Variants in IGF2BP3 observed in about 807,000 individuals in gnomAD.
The protein encoded by IGF2BP3 is insulin like growth factor 2 mRNA binding protein 3.
Under a neutral mutation model 73.8 loss-of-function variants are expected in IGF2BP3, and 9 were observed. That is an observed-to-expected ratio of 0.12 (90% CI 0.07 to 0.21). The LOEUF is 0.21. Among genes scored for constraint, IGF2BP3 ranks in the 10% least tolerant of loss-of-function variants. The pLI, the probability that IGF2BP3 is intolerant of heterozygous loss-of-function variation, is 1.00. For missense variants in IGF2BP3, 542 were observed against 714.0 expected, an observed-to-expected ratio of 0.76 and a Z score of 2.75; for synonymous variants, 258 against 256.7, an observed-to-expected ratio of 1.01 and a Z score of -0.05.
At chr7:23,316,257 G>GA (rs1257818987) in intron 12 of IGF2BP3, among the ~76,000 whole-genome samples, 19 of 152,198 alleles carry the variant, frequency 1.2e-4, no homozygotes, top group African/African-American at 4.3e-4. Context: ...GGTTTTTAGT[G>GA]AAAAAATGGC....
chr7:23,362,385 A>C (rs142981117), intron 3 of IGF2BP3: 2 of 152,416 alleles, frequency 1.3e-5, no homozygotes, highest in Non-Finnish European at 2.9e-5. Flanking sequence ...AAAAATGAAG[A>C]CAGCACAGTG....
intron 2 of IGF2BP3, among the ~76,000 whole-genome samples, chr7:23,427,406 C>T (rs1419502976): frequency 6.6e-6 from 1 of 152,092 alleles, no homozygotes. Context: ...GAAATCATCT[C>T]CAAAATAAAC....
intron 3 of IGF2BP3, among the ~76,000 whole-genome samples, chr7:23,386,671 T>C (rs1470375932): frequency 6.6e-6 from 1 of 152,162 alleles, no homozygotes; most frequent in Admixed American, 6.5e-5. Flanking sequence ...CTCAAGGAGA[T>C]AGAGCGTAAT....
intron 3 of IGF2BP3, chr7:23,405,174 A>G (rs1786788020): frequency 6.6e-6 from 1 of 152,204 alleles, no homozygotes; most frequent in African/African-American, 2.4e-5. Context: ...AAAAATTCAA[A>G]TTCACCTCTT....
intron 2 of IGF2BP3, among the ~76,000 whole-genome samples, chr7:23,434,061 G>C (rs1480733880): frequency 1.4e-5 from 2 of 145,062 alleles, no homozygotes; most frequent in East Asian, 2.0e-4. Context: ...CTGGGAGACA[G>C]AGTGAGACTC....
In IGF2BP3 at chr7:23,351,610, G is replaced by T. The variant is rs201240374; in HGVS notation, c.402-24C>A. ...CTCTGAAAGTTGAAAAGGGGCAGGGGTGGGAAAAGGAATCAGGCTATATGA... is the reference window on the plus strand; with the variant it reads ...CTCTGAAAGTTGAAAAGGGGCAGGGTTGGGAAAAGGAATCAGGCTATATGA... On this transcript the variant is annotated intron_variant, in intron 5 of 14. Transcript: ENST00000258729. 2.6e-4 allele frequency: 420 copies of T among 1,612,950 alleles called. No homozygotes were observed. In the African/African-American group the frequency reaches 5.0e-3, roughly 19 times the overall value.
At chr7:23,401,718 T>C (rs906575205) in intron 3 of IGF2BP3, among the ~76,000 whole-genome samples, 51 of 151,742 alleles carry the variant, frequency 3.4e-4, no homozygotes, top group African/African-American at 1.1e-3. Context: ...TGAGCCAAGA[T>C]TGCACCACTG....
intron 7 of IGF2BP3, among the ~76,000 whole-genome samples, chr7:23,346,621 T>C (rs1220956991): frequency 6.7e-6 from 1 of 149,294 alleles, no homozygotes; most frequent in Non-Finnish European, 1.5e-5. Flanking sequence ...TGAGACAGAG[T>C]CTCCCTCTGG....
rs370876150 is a variant in IGF2BP3, at chr7:23,319,207, G to A, written c.1251C>T (p.Val417=). The part of the protein sequence containing the change: ...TVHLFIPALS[V]GAIIGKQGQH... The stretch of plus-strand genomic sequence containing the variant: ...GGCCCTGCTTGCCGATGATGGCACC[G>A]ACTGATAGAGCTGGGATAAACAGAT... The change falls in exon 11 of 15, where the codon GTC becomes GTT. Residue 417 remains valine (V), a synonymous_variant. Transcript: ENST00000258729. 113 of 1,613,728 alleles carry A rather than the reference G, an allele frequency of 7.0e-5. 1 individual carries two copies. In the African/African-American group the frequency reaches 9.3e-4, roughly 13 times the overall value.
intron 3 of IGF2BP3, among the ~76,000 whole-genome samples, chr7:23,374,090 C>T (rs1779772242): frequency 6.6e-6 from 1 of 152,162 alleles, no homozygotes; most frequent in African/African-American, 2.4e-5. Context: ...CTCAGGTATT[C>T]CTTTACAGCA....
In IGF2BP3 at chr7:23,361,615, C is replaced by G; in HGVS notation, c.338-18G>C. 7 of 1,613,382 alleles carry G rather than the reference C, an allele frequency of 4.3e-6. No homozygotes were observed. The highest frequency in any genetic ancestry group is 5.9e-6 in the Non-Finnish European group (7 of 1,179,620). On this transcript the variant is annotated intron_variant, in intron 4 of 14. Transcript: ENST00000258729. Reference sequence around the variant, plus strand: ...AGTGTTCACTAGAGGAAGAGAAAAACGAAGAGAATAAAAGTTAGTTTTCTT... The same window carrying G: ...AGTGTTCACTAGAGGAAGAGAAAAAGGAAGAGAATAAAAGTTAGTTTTCTT...
chr7:23,321,843 C>T (rs1337285654), intron 10 of IGF2BP3, among the ~76,000 whole-genome samples: 1 of 152,200 alleles, frequency 6.6e-6, no homozygotes, highest in African/African-American at 2.4e-5. Context: ...GGTACTCCAA[C>T]AGACCTGCAG....
chr7:23,459,516 G>A (rs909640976), intron 2 of IGF2BP3, among the ~76,000 whole-genome samples: 2 of 152,070 alleles, frequency 1.3e-5, no homozygotes, highest in South Asian at 2.1e-4. Flanking sequence ...GTCAAATCAC[G>A]CATTTAGACC....
chr7:23,332,479 T>G (rs274031), intron 10 of IGF2BP3, among the ~76,000 whole-genome samples: 6,047 of 152,322 alleles, frequency 0.04, 188 homozygotes, highest in South Asian at 0.1. Context: ...CTATTCAGCA[T>G]TTTTAGAACA....
chr7:23,326,062 A>C lies in IGF2BP3; in HGVS notation c.1204-6808T>G, dbSNP rs540441032. Among the ~76,000 whole-genome samples, 6 of 152,308 alleles carry C rather than the reference A, an allele frequency of 3.9e-5. No homozygotes were observed. The South Asian group carries it at 1.2e-3, about 32-fold the overall frequency. On this transcript the variant is annotated intron_variant, in intron 10 of 14. Transcript: ENST00000258729. ...AATGGCAACAAAAGCCAAAATTGAC[A>C]AATGGGATCTAATTAAACTAAAGAG...
At chr7:23,382,894 CAAAAAAAAAA>C (rs57466793) in intron 3 of IGF2BP3, among the ~76,000 whole-genome samples, 9 of 49,118 alleles carry the variant, frequency 1.8e-4, no homozygotes, top group South Asian at 1.4e-3. Flanking sequence ...CTAGCTCTAC[CAAAAAAAAAA>C]AAAAAAAAAA....
chr7:23,449,463 G>A (rs147661726), intron 2 of IGF2BP3, among the ~76,000 whole-genome samples: 3,403 of 151,754 alleles, frequency 0.022, 128 homozygotes, highest in African/African-American at 0.078. Flanking sequence ...CTTGCAGTGA[G>A]CCGAGATAGC....
chr7:23,327,865 A>G (rs934742033), intron 10 of IGF2BP3, among the ~76,000 whole-genome samples: 20 of 152,146 alleles, frequency 1.3e-4, no homozygotes, highest in Non-Finnish European at 7.4e-5. Context: ...GCAGAGCACT[A>G]AGCACCATAA....
intron 3 of IGF2BP3, among the ~76,000 whole-genome samples, chr7:23,406,533 C>T (rs1285994824): frequency 1.3e-5 from 2 of 152,060 alleles, no homozygotes; most frequent in African/African-American, 4.8e-5. Context: ...TTGCTGACTT[C>T]AGGAGTGAAG....
Sources: allele counts gnomAD v4.1 joint callset (sites outside exome capture counted in the v4.1 genomes callset), GRCh38; gene constraint gnomAD v4.1.1; transcripts MANE v1.5; gene names NCBI Gene and HGNC (gene_info 2026-07-23, HGNC 2026-07-21).